The following MAP3K5 variants were observed in gnomAD, a reference collection of about 807,000 sequenced individuals.
MAP3K5 encodes the protein ASK-1.
Under a neutral mutation model 158.7 loss-of-function variants are expected in MAP3K5, and 56 were observed. The observed-to-expected ratio is 0.35, with a 90% CI of 0.28 to 0.44. The LOEUF (loss-of-function observed/expected upper bound fraction) is 0.44. Among genes scored for constraint, MAP3K5 ranks in the 20% least tolerant of loss-of-function variants. The pLI is 1.00. For synonymous variants in MAP3K5, 579 were observed against 601.7 expected (o/e 0.96, Z 0.55); for missense variants, 1,294 against 1,674.8 (o/e 0.77, Z 3.97).
At chr6:136,660,667 A>G (rs1299510487) in intron 8 of MAP3K5, among the ~76,000 whole-genome samples, 1 of 152,232 alleles carries the variant, frequency 6.6e-6, no homozygotes, top group Non-Finnish European at 1.5e-5. Context: ...GGTGCCACTA[A>G]CATCCATCAC....
chr6:136,721,643 T>C (rs1205992124), intron 1 of MAP3K5, among the ~76,000 whole-genome samples: 1 of 152,244 alleles, frequency 6.6e-6, no homozygotes, highest in Admixed American at 6.5e-5. Flanking sequence ...AATGCAAGGA[T>C]AGCTCAATGG....
intron 8 of MAP3K5, among the ~76,000 whole-genome samples, chr6:136,665,664 A>T (rs1339959631): frequency 6.6e-6 from 1 of 152,186 alleles, no homozygotes; most frequent in Non-Finnish European, 1.5e-5. Context: ...GCTATATTTC[A>T]TCAACGGGAT....
At chr6:136,773,937 G>A (rs1784308701) in intron 1 of MAP3K5, among the ~76,000 whole-genome samples, 1 of 152,096 alleles carries the variant, frequency 6.6e-6, no homozygotes, top group South Asian at 2.1e-4. Context: ...TTACATTACA[G>A]GCATGAGTCA....
intron 6 of MAP3K5, among the ~76,000 whole-genome samples, chr6:136,695,179 C>G (rs1352781351): frequency 6.6e-6 from 1 of 152,020 alleles, no homozygotes; most frequent in Non-Finnish European, 1.5e-5. Context: ...GCTCTGTTGC[C>G]CAGGCTGGAG....
chr6:136,601,058 C>G lies in MAP3K5; in HGVS notation c.2858-16G>C. ...GCTGAAAGAGCTGTGGAAAGAAAAG[C>G]AAACAGCCATGAATAAGCACGTGCT... On this transcript the variant is annotated splice_polypyrimidine_tract_variant and intron_variant, in intron 20 of 29. Coordinates refer to ENST00000359015, the MANE Select transcript of MAP3K5 (RefSeq NM_005923.4). 6.2e-7 allele frequency: 1 copy of G among 1,613,554 alleles called. No individual in the cohort carries two copies. Among genetic ancestry groups the G allele is most frequent in the Non-Finnish European group, 8.5e-7 (1 of 1,179,854 alleles).
chr6:136,637,236 C>T (rs1777680823), intron 14 of MAP3K5, 89 bp downstream of exon 14: 7 of 1,276,976 alleles, frequency 5.5e-6, no homozygotes, highest in Non-Finnish European at 8.0e-6. Flanking sequence ...TCTCCTACCC[C>T]TCATACACCC....
intron 18 of MAP3K5, among the ~76,000 whole-genome samples, chr6:136,606,168 T>C (rs1319793916): frequency 6.6e-6 from 1 of 152,086 alleles, no homozygotes; most frequent in African/African-American, 2.4e-5. Context: ...CTGGCAAACA[T>C]GGTGAAACCC....
rs1776237481 is a variant in MAP3K5, at chr6:136,609,452, T to C, written c.2521+1830A>G. On this transcript the variant is annotated intron_variant, in intron 18 of 29. Transcript: ENST00000359015. The surrounding 1 kb of genome is among the most constrained non-coding windows in gnomAD (Gnocchi z 4.4). ...TCCTGCAGGAAGGTAGAGAGAAAGA[T>C]GGACTAGAGCCAGAAGGTAAAAGCA... Among the ~76,000 whole-genome samples the C allele has an allele frequency of 2.0e-5, 3 of 152,068 alleles. No individual in the cohort carries two copies. The highest frequency in any genetic ancestry group is 4.4e-5 in the Non-Finnish European group (3 of 68,012).
In MAP3K5 at chr6:136,611,386, C is replaced by G; in HGVS notation, c.2417G>C (p.Gly806Ala). The change falls in exon 18 of 30, where the codon GGT becomes GCT. Residue 806 changes from glycine (G) to alanine (A), a missense_variant and splice_region_variant. Physicochemically the swap from Gly to Ala is moderately conservative, Grantham distance 60 (BLOSUM62 0). Transcript: ENST00000359015. The stretch of plus-strand genomic sequence containing the variant: ...GTAGGTATTAATCAACACATTGTCA[C>G]CCTAGAGAACAGAGGACTTTAATCA... ...DNQIVHRDIK[G>A]DNVLINTYSG... The G allele has an allele frequency of 1.9e-6, 3 of 1,560,136 alleles. No homozygotes were observed. Among genetic ancestry groups the G allele is most frequent in the Non-Finnish European group, 2.7e-6 (3 of 1,131,610 alleles).
At chr6:136,638,484 A>G (rs1409170568) in intron 13 of MAP3K5, among the ~76,000 whole-genome samples, 1 of 152,234 alleles carries the variant, frequency 6.6e-6, no homozygotes, top group African/African-American at 2.4e-5. Context: ...CAATAAAGAT[A>G]TTAATACTAC....
chr6:136,694,987 A>ATTCCATTT (rs1290067232), intron 6 of MAP3K5, among the ~76,000 whole-genome samples: 9 of 152,166 alleles, frequency 5.9e-5, no homozygotes, highest in Non-Finnish European at 8.8e-5. Context: ...AAATGTCCAG[A>ATTCCATTT]ATAGGCAAAT....
intron 1 of MAP3K5, among the ~76,000 whole-genome samples, chr6:136,759,228 C>T (rs1188032052): frequency 4.6e-5 from 7 of 151,850 alleles, no homozygotes; most frequent in South Asian, 2.1e-4. Context: ...TATAGCCTTA[C>T]TTATTCATTC....
At chr6:136,688,971 AT>A (rs1463536775) in intron 7 of MAP3K5, among the ~76,000 whole-genome samples, 1 of 152,016 alleles carries the variant, frequency 6.6e-6, no homozygotes, top group Non-Finnish European at 1.5e-5. Flanking sequence ...GGGCTGCACA[AT>A]TACACTCCTC....
At chr6:136,581,548 C>A (rs893658353) in intron 24 of MAP3K5, among the ~76,000 whole-genome samples, 1 of 152,188 alleles carries the variant, frequency 6.6e-6, no homozygotes, top group African/African-American at 2.4e-5. Context: ...AATTTAATCA[C>A]CATCCCTACT....
intron 1 of MAP3K5, among the ~76,000 whole-genome samples, chr6:136,763,939 A>G (rs1783858792): frequency 6.6e-6 from 1 of 152,164 alleles, no homozygotes; most frequent in South Asian, 2.1e-4. Context: ...CTCTGCAGAG[A>G]GTACCCACCA....
At position 136,613,389 on chromosome 6, in the gene MAP3K5, G is replaced by A. The variant is rs1328089742; in HGVS notation, c.2279-133C>T. 21 of 648,550 alleles carry A rather than the reference G, an allele frequency of 3.2e-5. No individual in the cohort carries two copies. Among genetic ancestry groups the A allele is most frequent in the Middle Eastern group, 4.4e-4 (1 of 2,256 alleles). The allele number at this position is 648,550 out of a possible 1,614,324, so 40.2% of individuals were successfully genotyped here. On this transcript the variant is annotated intron_variant, in intron 16 of 29. Transcript: ENST00000359015. This position sits in a 1 kb window ranked among gnomAD's most constrained non-coding sequence, Gnocchi z 4.0. ...TGGCCCAGGAGCTATACTGGATATC[G>A]GGCTCAAACATGAATTTGCAAATAT...
At chr6:136,774,465 A>AAAC (rs1021270825) in intron 1 of MAP3K5, among the ~76,000 whole-genome samples, 1 of 152,148 alleles carries the variant, frequency 6.6e-6, no homozygotes, top group Non-Finnish European at 1.5e-5. Context: ...ATTTTTTAAA[A>AAAC]AACAACAACA....
intron 10 of MAP3K5, among the ~76,000 whole-genome samples, chr6:136,652,729 T>C (rs1048671317): frequency 6.6e-6 from 1 of 152,220 alleles, no homozygotes; most frequent in Non-Finnish European, 1.5e-5. Flanking sequence ...TTTATTGTCA[T>C]CTCAGTATTT....
intron 1 of MAP3K5, among the ~76,000 whole-genome samples, chr6:136,773,411 G>A (rs1027547721): frequency 6.6e-6 from 1 of 152,176 alleles, no homozygotes; most frequent in African/African-American, 2.4e-5. Context: ...CTGCTTTCCT[G>A]AAACTGCTCT....
Sources: gnomAD v4.1 joint callset for allele counts (sites outside exome capture counted in the v4.1 genomes callset) on GRCh38, gnomAD v4.1.1 for gene constraint, Gnocchi (gnomAD v3.1) non-coding constraint, MANE v1.5 for transcripts, NCBI Gene and HGNC (gene_info 2026-07-23, HGNC 2026-07-21) for gene names.